Variants in ARL15 observed in about 807,000 individuals in gnomAD.
ARL15 encodes ADP-ribosylation factor-like protein 15.
Under a neutral mutation model 25.2 loss-of-function variants are expected in ARL15, and 19 were observed. That is an observed-to-expected ratio of 0.75 (90% CI 0.53 to 1.10). The LOEUF (loss-of-function observed/expected upper bound fraction) is 1.10. Ranked by LOEUF, ARL15 falls within the 50% of genes least tolerant of loss-of-function variation. The probability of loss-of-function intolerance (pLI) is 0.00; values close to 1 mark genes in which losing one functional copy is unlikely to be tolerated. For synonymous variants in ARL15, 94 were observed against 86.8 expected, an observed-to-expected ratio of 1.08 and a Z score of -0.46; for missense variants, 220 against 246.0, an observed-to-expected ratio of 0.89 and a Z score of 0.71.
intron 1 of ARL15, among the ~76,000 whole-genome samples, chr5:54,243,517 GA>G (rs1757013045): frequency 1.3e-5 from 2 of 152,144 alleles, no homozygotes; most frequent in South Asian, 4.1e-4. Flanking sequence ...AGTACAGATA[GA>G]AACACATGTA....
intron 1 of ARL15, among the ~76,000 whole-genome samples, chr5:54,202,352 C>T (rs1755748666): frequency 6.6e-6 from 1 of 152,136 alleles, no homozygotes; most frequent in South Asian, 2.1e-4. Flanking sequence ...TCCAGGTAGG[C>T]TCAATGTAAT....
chr5:54,281,454 T>C (rs570879203), intron 1 of ARL15, among the ~76,000 whole-genome samples: 1 of 152,252 alleles, frequency 6.6e-6, no homozygotes, highest in South Asian at 2.1e-4. Context: ...CACTTTTTCT[T>C]CCCTCCACTG....
chr5:54,184,237 C>A, intron 1 of ARL15, among the ~76,000 whole-genome samples: 1 of 92,278 alleles, frequency 1.1e-5, no homozygotes, highest in African/African-American at 4.3e-5. Flanking sequence ...TACCCTAAAA[C>A]TTAAAGTATA....
At chr5:53,887,530 G>A in intron 4 of ARL15, 1 of 587,948 alleles carries the variant, frequency 1.7e-6, no homozygotes, top group Non-Finnish European at 3.0e-6. Flanking sequence ...TGAATAAATA[G>A]CAAATTATTA....
At chr5:54,003,357 T>C (rs1320444604) in intron 4 of ARL15, among the ~76,000 whole-genome samples, 1 of 152,196 alleles carries the variant, frequency 6.6e-6, no homozygotes, top group Non-Finnish European at 1.5e-5. Context: ...ACAACATGGC[T>C]ACATACCACA....
At chr5:54,045,065 A>G (rs1561200765) in intron 4 of ARL15, among the ~76,000 whole-genome samples, 1 of 152,196 alleles carries the variant, frequency 6.6e-6, no homozygotes, top group Non-Finnish European at 1.5e-5. Flanking sequence ...ACCACAAGTT[A>G]TATAACGTTC....
intron 1 of ARL15, among the ~76,000 whole-genome samples, chr5:54,192,264 T>TAA (rs572335482): frequency 0.014 from 1,990 of 142,006 alleles, 15 homozygotes; most frequent in Middle Eastern, 0.029. Flanking sequence ...AAAGTATAAG[T>TAA]AAAAAAAAAA....
chr5:54,044,858 A>G (rs565045133), intron 4 of ARL15, among the ~76,000 whole-genome samples: 1 of 152,322 alleles, frequency 6.6e-6, no homozygotes, highest in African/African-American at 2.4e-5. Flanking sequence ...ACAAAATTTT[A>G]TTTTAAACTA....
intron 1 of ARL15, among the ~76,000 whole-genome samples, chr5:54,221,558 T>TAC (rs138224663): frequency 1.1e-4 from 16 of 151,814 alleles, no homozygotes; most frequent in South Asian, 4.1e-4. Flanking sequence ...GGGGTGTGTA[T>TAC]ACACACACAC....
intron 4 of ARL15, chr5:53,887,239 G>A: frequency 1.7e-6 from 1 of 599,172 alleles, no homozygotes; most frequent in Non-Finnish European, 3.0e-6. Flanking sequence ...TCTAGTATCT[G>A]CTTCTGAGAC....
chr5:54,004,852 A>C (rs1748971571), intron 4 of ARL15, among the ~76,000 whole-genome samples: 1 of 152,132 alleles, frequency 6.6e-6, no homozygotes, highest in Non-Finnish European at 1.5e-5. Flanking sequence ...GTTCACATAC[A>C]GAAGAAAAGA....
intron 4 of ARL15, among the ~76,000 whole-genome samples, chr5:54,002,382 T>G (rs1162002427): frequency 6.6e-6 from 1 of 152,102 alleles, no homozygotes; most frequent in Admixed American, 6.6e-5. Context: ...AGTGGAGAAT[T>G]GAGAAGAGGA....
intron 1 of ARL15, among the ~76,000 whole-genome samples, chr5:54,193,900 AT>A (rs1385675258): frequency 6.6e-6 from 1 of 152,044 alleles, no homozygotes; most frequent in Non-Finnish European, 1.5e-5. Flanking sequence ...GCTTGGTTGA[AT>A]TTTTTTAAAA....
chr5:54,225,220 G>C (rs76701614), intron 1 of ARL15, among the ~76,000 whole-genome samples: 6,005 of 152,166 alleles, frequency 0.039, 179 homozygotes, highest in Non-Finnish European at 0.06. Flanking sequence ...ATTTCAGTCA[G>C]GTTTAAAAAG....
intron 3 of ARL15, among the ~76,000 whole-genome samples, chr5:54,152,887 T>C (rs1268291089): frequency 2.0e-5 from 3 of 152,194 alleles, no homozygotes; most frequent in Non-Finnish European, 4.4e-5. Flanking sequence ...GATCTTTCAT[T>C]GTACTGAATT....
chr5:54,010,658 A>G (rs1749205652), intron 4 of ARL15, among the ~76,000 whole-genome samples: 2 of 152,222 alleles, frequency 1.3e-5, no homozygotes, highest in Admixed American at 6.5e-5. Context: ...TGAAGAAATT[A>G]TCGCATTATT....
At chr5:54,276,029 T>C (rs1415774116) in intron 1 of ARL15, among the ~76,000 whole-genome samples, 2 of 152,138 alleles carry the variant, frequency 1.3e-5, no homozygotes, top group African/African-American at 4.8e-5. Context: ...TAGCTGAGAC[T>C]ACTGGCACAC....
chr5:54,041,974 G>T (rs1301101460), intron 4 of ARL15, among the ~76,000 whole-genome samples: 150 of 141,504 alleles, frequency 1.1e-3, no homozygotes, highest in Non-Finnish European at 2.0e-3. Context: ...TTTCGTTTTT[G>T]TTTTTTTTTT....
intron 4 of ARL15, among the ~76,000 whole-genome samples, chr5:53,973,409 A>C (rs1747815571): frequency 6.6e-6 from 1 of 152,060 alleles, no homozygotes; most frequent in Admixed American, 6.5e-5. Context: ...CCCCATCTCT[A>C]CTAAATATAC....
Sources: allele counts gnomAD v4.1 joint callset (sites outside exome capture counted in the v4.1 genomes callset), GRCh38; gene constraint gnomAD v4.1.1; transcripts MANE v1.5; gene names NCBI Gene and HGNC (gene_info 2026-07-23, HGNC 2026-07-21).